The following ST18 variants were observed in gnomAD, a reference collection of about 807,000 sequenced individuals.
ST18 encodes ST18 C2H2C-type zinc finger transcription factor.
Under a neutral mutation model 110.0 loss-of-function variants are expected in ST18, and 50 were observed. That is an observed-to-expected ratio of 0.45 (90% CI 0.36 to 0.58). The LOEUF is 0.58. Among genes scored for constraint, ST18 ranks in the 20% least tolerant of loss-of-function variants. The probability of loss-of-function intolerance (pLI) is 0.00; values close to 1 mark genes in which losing one functional copy is unlikely to be tolerated. For synonymous variants in ST18, 461 were observed against 452.4 expected (o/e 1.02, Z -0.24); for missense variants, 1,306 against 1,280.1 (o/e 1.02, Z -0.31).
intron 2 of ST18, among the ~76,000 whole-genome samples, chr8:52,369,900 A>G (rs1277329058): frequency 6.6e-6 from 1 of 152,198 alleles, no homozygotes; most frequent in Non-Finnish European, 1.5e-5. Flanking sequence ...TATTTAGACA[A>G]TTGCCTGAAA....
chr8:52,150,468 C>A, intron 15 of ST18, among the ~76,000 whole-genome samples: 1 of 152,112 alleles, frequency 6.6e-6, no homozygotes, highest in Non-Finnish European at 1.5e-5. Context: ...GAGAAATATG[C>A]AAAACAACCC....
intron 2 of ST18, among the ~76,000 whole-genome samples, chr8:52,244,285 G>T (rs2093672609): frequency 6.6e-6 from 1 of 152,144 alleles, no homozygotes; most frequent in African/African-American, 2.4e-5. Flanking sequence ...TGAAATCTAA[G>T]GCTGGAAGGG....
intron 3 of ST18, among the ~76,000 whole-genome samples, chr8:52,222,734 A>G (rs536387997): frequency 3.7e-4 from 56 of 152,306 alleles, no homozygotes; most frequent in Non-Finnish European, 7.4e-4. Context: ...CTATCAGATC[A>G]AGGAGATACC....
At chr8:52,268,441 C>T (rs1257112208) in intron 2 of ST18, among the ~76,000 whole-genome samples, 1 of 151,942 alleles carries the variant, frequency 6.6e-6, no homozygotes, top group African/African-American at 2.4e-5. Context: ...GAGCTTCTGT[C>T]TATCTATCTA....
intron 2 of ST18, among the ~76,000 whole-genome samples, chr8:52,355,862 G>A (rs1051127740): frequency 1.2e-4 from 18 of 152,188 alleles, no homozygotes; most frequent in African/African-American, 4.1e-4. Context: ...AAATGGAACA[G>A]GGCTTGCCTT....
rs554291150 is a variant in ST18 at position 52,255,646 on chromosome 8, C to T, written c.-464-25569G>A. Among the ~76,000 whole-genome samples, 3 of 152,224 alleles carry T rather than the reference C, an allele frequency of 2.0e-5. No individual in the cohort carries two copies. The East Asian group carries it at 5.8e-4, about 29-fold the overall frequency. ...CTTCAAGTCTACTTATTTTTCATTG[C>T]TTTTAAGAAAACCACCATGGAAGTA... On this transcript the variant is annotated intron_variant, in intron 2 of 25. Coordinates refer to ENST00000689386, the MANE Select transcript of ST18 (RefSeq NM_001352837.2).
intron 2 of ST18, among the ~76,000 whole-genome samples, chr8:52,270,759 A>G (rs1004206670): frequency 1.3e-5 from 2 of 151,786 alleles, no homozygotes; most frequent in South Asian, 2.1e-4. Flanking sequence ...TGAAGGGTAC[A>G]TTTTTTTTGA....
chr8:52,201,986 C>T (rs755468900), intron 8 of ST18, among the ~76,000 whole-genome samples: 2 of 152,136 alleles, frequency 1.3e-5, no homozygotes, highest in Admixed American at 6.6e-5. Flanking sequence ...GAATTAGAAA[C>T]GATTAAACAG....
chr8:52,127,986 T>TC (rs2131312228), intron 22 of ST18, among the ~76,000 whole-genome samples: 1 of 152,106 alleles, frequency 6.6e-6, no homozygotes, highest in African/African-American at 2.4e-5. Flanking sequence ...TTTTTTTTTT[T>TC]TGAGGCGGGG....
At chr8:52,380,928 T>C (rs916991473) in intron 2 of ST18, among the ~76,000 whole-genome samples, 1 of 152,112 alleles carries the variant, frequency 6.6e-6, no homozygotes, top group Non-Finnish European at 1.5e-5. Flanking sequence ...GGTGGGGCGT[T>C]AGGGTTCTGT....
Position 52,113,247 on chromosome 8 carries a change from T to G in ST18, c.3095A>C (p.Lys1032Thr). 6.2e-7 allele frequency: 1 copy of G among 1,614,134 alleles called. No individual in the cohort carries two copies. The highest frequency in any genetic ancestry group is 8.5e-7 in the Non-Finnish European group (1 of 1,179,984). ...CTGTTTGATACTTTCCAGTAGAGCT[T>G]TGCATTCCGGGGAATAGTCCCGTTC... Reference protein sequence around the residue: ...NLERDYSPECKALLESIKQAV... With the variant: ...NLERDYSPECTALLESIKQAV... The change falls in exon 26 of 26, where the codon AAA (lysine) becomes ACA (threonine). Residue 1032 changes from lysine (K) to threonine (T), a missense_variant. Lys to Thr is a moderately conservative substitution (Grantham distance 78, BLOSUM62 -1). Transcript: ENST00000689386.
chr8:52,128,755 T>TCACGTGCCAACCTGTATTC (rs1279634456), intron 22 of ST18, among the ~76,000 whole-genome samples: 2 of 152,194 alleles, frequency 1.3e-5, no homozygotes, highest in Non-Finnish European at 2.9e-5. Flanking sequence ...ACACTGGCTT[T>TCACGTGCCAACCTGTATTC]CACGTGCCAA....
chr8:52,236,496 G>A (rs1452345605), intron 2 of ST18, among the ~76,000 whole-genome samples: 1 of 151,740 alleles, frequency 6.6e-6, no homozygotes, highest in Non-Finnish European at 1.5e-5. Flanking sequence ...TGTAATCCCA[G>A]CTACTTGGGG....
At chr8:52,157,226 T>C (rs148045131) in intron 15 of ST18, among the ~76,000 whole-genome samples, 2 of 152,302 alleles carry the variant, frequency 1.3e-5, no homozygotes, top group East Asian at 3.9e-4. Flanking sequence ...GTCATCTTTG[T>C]TTGATATGTT....
intron 2 of ST18, among the ~76,000 whole-genome samples, chr8:52,264,686 GA>G (rs2138728838): frequency 6.6e-6 from 1 of 152,228 alleles, no homozygotes; most frequent in Admixed American, 6.5e-5. Context: ...TTAAGTGCAA[GA>G]AATTGAGTAA....
chr8:52,265,156 A>G (rs2094825315), intron 2 of ST18, among the ~76,000 whole-genome samples: 1 of 152,240 alleles, frequency 6.6e-6, no homozygotes, highest in Non-Finnish European at 1.5e-5. Flanking sequence ...ACCTGAGGGC[A>G]GACAGCCACA....
chr8:52,201,299 C>T (rs1187769585), intron 8 of ST18: 1 of 150,794 alleles, frequency 6.6e-6, no homozygotes, highest in Non-Finnish European at 1.5e-5. Context: ...GGAGGATGGT[C>T]CTTAGGGGCT....
intron 2 of ST18, among the ~76,000 whole-genome samples, chr8:52,310,405 C>T (rs551529220): frequency 6.6e-6 from 1 of 151,292 alleles, no homozygotes; most frequent in African/African-American, 2.4e-5. Flanking sequence ...CCTTTATTCC[C>T]CTTAATTGAA....
At chr8:52,113,954 G>GTTTTTT (rs1158213340) in intron 25 of ST18, among the ~76,000 whole-genome samples, 3,437 of 45,420 alleles carry the variant, frequency 0.076, 1,248 homozygotes, top group Non-Finnish European at 0.1. Context: ...TTCATACCGT[G>GTTTTTT]TTTTTTTTTT....
Sources: allele counts gnomAD v4.1 joint callset (sites outside exome capture counted in the v4.1 genomes callset), GRCh38; gene constraint gnomAD v4.1.1; transcripts MANE v1.5; gene names NCBI Gene and HGNC (gene_info 2026-07-23, HGNC 2026-07-21).